SFI1: variants seen among roughly 807,000 people sequenced by gnomAD.
The protein encoded by SFI1 is SFI1 centrin binding protein, also known as protein SFI1 homolog.
In SFI1, 195 loss-of-function variants were observed where a neutral mutation model predicts 207.5. The observed-to-expected ratio is 0.94, with a 90% CI of 0.84 to 1.06. The LOEUF is 1.06. Among genes scored for constraint, SFI1 ranks in the 50% least tolerant of loss-of-function variants. The probability of loss-of-function intolerance (pLI) is 0.00; values close to 1 mark genes in which losing one functional copy is unlikely to be tolerated. For synonymous variants in SFI1, 630 were observed against 598.9 expected (o/e 1.05, Z -0.76); for missense variants, 1,634 against 1,588.0 (o/e 1.03, Z -0.49).
At chr22:31,517,359 C>T (rs2056670095) in intron 2 of SFI1, among the ~76,000 whole-genome samples, 1 of 152,000 alleles carries the variant, frequency 6.6e-6, no homozygotes, top group Non-Finnish European at 1.5e-5. Flanking sequence ...GGAGTCCTCC[C>T]ATCTCAGCCT....
At chr22:31,500,191 T>C (rs1345781592) in intron 1 of SFI1, among the ~76,000 whole-genome samples, 1 of 147,100 alleles carries the variant, frequency 6.8e-6, no homozygotes, top group Non-Finnish European at 1.5e-5. Context: ...GGCGGGCACC[T>C]GTAATCCCCA....
chr22:31,593,979 GAC>G (rs2066604606), intron 15 of SFI1, among the ~76,000 whole-genome samples: 14 of 136,400 alleles, frequency 1.0e-4, no homozygotes, highest in Non-Finnish European at 1.3e-4. Context: ...ACCATGGGGA[GAC>G]GGAGACGAGG....
At chr22:31,541,321 C>T (rs1312277905) in intron 4 of SFI1, among the ~76,000 whole-genome samples, 1 of 152,138 alleles carries the variant, frequency 6.6e-6, no homozygotes, top group Non-Finnish European at 1.5e-5. Flanking sequence ...GTCTGTCACC[C>T]TTTCTCCTAT....
At chr22:31,568,977 G>A (rs2062681965) in intron 8 of SFI1, among the ~76,000 whole-genome samples, 2 of 152,080 alleles carry the variant, frequency 1.3e-5, no homozygotes, top group Non-Finnish European at 2.9e-5. Flanking sequence ...TGGGTTGTTA[G>A]GGGAGTTAAC....
chr22:31,540,106 CTG>C (rs1229264083), intron 4 of SFI1, among the ~76,000 whole-genome samples: 1 of 125,350 alleles, frequency 8.0e-6, no homozygotes, highest in East Asian at 2.6e-4. Context: ...ATCTAGCTGT[CTG>C]TGTCTCTGAA....
At chr22:31,591,333 G>A (rs1866325949) in intron 15 of SFI1, among the ~76,000 whole-genome samples, 1 of 152,134 alleles carries the variant, frequency 6.6e-6, no homozygotes, top group Non-Finnish European at 1.5e-5. Flanking sequence ...TTTTCTTAGT[G>A]CAGAACAAAA....
rs201811890 is a variant in SFI1 at position 31,519,273 on chromosome 22, A to AT, written c.93-9402dup. Among the ~76,000 whole-genome samples, 775 of 132,174 alleles carry AT rather than the reference A, an allele frequency of 5.9e-3. 2 individuals are homozygous for AT. The highest frequency in any genetic ancestry group is 8.6e-3 in the East Asian group (41 of 4,750). The allele number at this position is 132,174 out of a possible 152,430, so 86.7% of individuals were successfully genotyped here. A position where few individuals can be genotyped will look rare whatever the true frequency, so the allele number is the denominator to read the frequency against. ...TCTATCATTTTTTCTTTTATTTTCC[A>AT]TTTTTTTTTTTTTTTGATACAGGGT... is the stretch of plus-strand genomic sequence containing the variant. On this transcript the variant is annotated intron_variant, in intron 2 of 32. Transcript: ENST00000400288.
intron 15 of SFI1, among the ~76,000 whole-genome samples, chr22:31,590,908 G>C (rs988186970): frequency 1.3e-5 from 2 of 149,512 alleles, no homozygotes; most frequent in Non-Finnish European, 3.0e-5. Context: ...TCTTTTTCTT[G>C]ATTAGTTTTA....
chr22:31,610,992 G>T, intron 22 of SFI1, 151 bp from the exon 23 acceptor site: 1 of 1,001,114 alleles, frequency 1.0e-6, no homozygotes, highest in Non-Finnish European at 1.5e-6. Flanking sequence ...CTAGAGAGGG[G>T]CCATGGTCCA....
intron 15 of SFI1, among the ~76,000 whole-genome samples, chr22:31,596,660 G>A (rs1055703843): frequency 1.1e-4 from 17 of 151,194 alleles, no homozygotes; most frequent in African/African-American, 3.9e-4. Context: ...GCATGGTGGC[G>A]CACATCCCAG....
chr22:31,537,762 A>G (rs1437444287), intron 4 of SFI1, among the ~76,000 whole-genome samples: 1 of 152,214 alleles, frequency 6.6e-6, no homozygotes, highest in Non-Finnish European at 1.5e-5. Context: ...TAATATCTAT[A>G]TATCAATATC....
chr22:31,614,024 G>C (rs1313858893), intron 27 of SFI1, 169 bp downstream of exon 27: 1 of 857,270 alleles, frequency 1.2e-6, no homozygotes, highest in African/African-American at 1.7e-5. Context: ...TCCCTCCCAC[G>C]GCAAGAGGGA....
Position 31,528,748 on chromosome 22 carries a change from A to T in SFI1, c.151A>T (p.Lys51Ter), listed in dbSNP as rs760727367. 4 of 1,614,194 alleles carry T rather than the reference A, an allele frequency of 2.5e-6. No individual in the cohort carries two copies. The South Asian group carries it at 3.3e-5, about 13-fold the overall frequency. ...PYSAKTLSNK[K>*]SSASFGIRRE... ...TTCTGCAAAGACACTGTCCAACAAG[A>T]AGTCTTCTGCATCCTTTGGGATCCG... The change falls in exon 3 of 33, where the codon AAG becomes TAG. Residue 51 changes from lysine (K) to a stop codon, truncating the protein, a stop_gained. Coordinates refer to ENST00000400288, the MANE Select transcript of SFI1 (RefSeq NM_001007467.3). LOFTEE classifies it high-confidence loss of function.
In SFI1 at chr22:31,578,443, C is replaced by T. The variant is rs543858106; in HGVS notation, c.1146C>T (p.His382=). 1 of 1,613,550 alleles carries T rather than the reference C, an allele frequency of 6.2e-7. No individual in the cohort carries two copies. The highest frequency in any genetic ancestry group is 1.1e-5 in the South Asian group (1 of 91,010). Reference sequence around the variant, plus strand: ...AGATGGCAGAAGAGCACCACAGGCACAGCCAGCTGGTAAGAGCCCTGCATC... The same window carrying T: ...AGATGGCAGAAGAGCACCACAGGCATAGCCAGCTGGTAAGAGCCCTGCATC... ...QFEMAEEHHR[H]SQLYFCFRAL... Residue 382 remains histidine (H), a synonymous_variant, in exon 11 of 33, where the codon CAC becomes CAT. Transcript: ENST00000400288.
chr22:31,581,005 T>C (rs2064094036), intron 12 of SFI1, among the ~76,000 whole-genome samples: 1 of 152,100 alleles, frequency 6.6e-6, no homozygotes, highest in Non-Finnish European at 1.5e-5. Context: ...AATACTTTCT[T>C]TTTTTCTTTA....
chr22:31,562,114 T>C (rs2061772942), intron 8 of SFI1, among the ~76,000 whole-genome samples: 3 of 152,218 alleles, frequency 2.0e-5, no homozygotes, highest in Admixed American at 2.0e-4. Flanking sequence ...GCAAACTGGC[T>C]CACAGGCCAA....
At chr22:31,567,909 T>TA (rs1294438118) in intron 8 of SFI1, among the ~76,000 whole-genome samples, 1 of 152,174 alleles carries the variant, frequency 6.6e-6, no homozygotes, top group East Asian at 1.9e-4. Flanking sequence ...TGGAATGTGT[T>TA]AAAAGGACGT....
chr22:31,509,847 C>G (rs112497898), intron 2 of SFI1, among the ~76,000 whole-genome samples: 4,337 of 152,112 alleles, frequency 0.029, 103 homozygotes, highest in South Asian at 0.08. Context: ...GATGGCGATA[C>G]TGGTCTCAAT....
At chr22:31,501,611 G>A (rs964807120) in intron 1 of SFI1, among the ~76,000 whole-genome samples, 4 of 152,158 alleles carry the variant, frequency 2.6e-5, no homozygotes, top group Admixed American at 6.6e-5. Flanking sequence ...GGAACCTTGA[G>A]CCCTCCAGCT....
Sources: allele counts gnomAD v4.1 joint callset (sites outside exome capture counted in the v4.1 genomes callset), GRCh38; gene constraint gnomAD v4.1.1; transcripts MANE v1.5; gene names NCBI Gene and HGNC (gene_info 2026-07-23, HGNC 2026-07-21).